The following MFN1 variants were observed in gnomAD, a reference collection of about 807,000 sequenced individuals.
MFN1 encodes the protein mitofusin-1.
In MFN1, 65 loss-of-function variants were observed where a neutral mutation model predicts 92.4. The ratio of observed to expected loss-of-function variants is 0.70; its 90% CI spans 0.58 to 0.86. The LOEUF (loss-of-function observed/expected upper bound fraction) is 0.86. Among genes scored for constraint, MFN1 ranks in the 40% least tolerant of loss-of-function variants. The probability of loss-of-function intolerance (pLI) is 0.00; values close to 1 mark genes in which losing one functional copy is unlikely to be tolerated. For missense variants in MFN1, 781 were observed against 868.0 expected, an observed-to-expected ratio of 0.90 and a Z score of 1.26; for synonymous variants, 297 against 300.9, an observed-to-expected ratio of 0.99 and a Z score of 0.13.
At chr3:179,353,554 A>T (rs545050705) in intron 3 of MFN1, among the ~76,000 whole-genome samples, 12 of 152,186 alleles carry the variant, frequency 7.9e-5, no homozygotes, top group Non-Finnish European at 1.8e-4. Flanking sequence ...TTTGACAATT[A>T]TCTGGATTAT....
At chr3:179,372,611 T>C (rs748026326) in intron 9 of MFN1, among the ~76,000 whole-genome samples, 9 of 152,182 alleles carry the variant, frequency 5.9e-5, no homozygotes, top group Non-Finnish European at 8.8e-5. Flanking sequence ...GGGATTACTT[T>C]TTAATTGATT....
intron 16 of MFN1, among the ~76,000 whole-genome samples, chr3:179,388,364 T>C (rs572379768): frequency 1.2e-4 from 19 of 152,370 alleles, no homozygotes; most frequent in Admixed American, 1.2e-3. Context: ...ATGTATACGT[T>C]AAATGCTATT....
intron 2 of MFN1, 38 bp downstream of exon 2, chr3:179,349,001 A>G (rs1427141301): frequency 1.3e-6 from 2 of 1,516,172 alleles, no homozygotes; most frequent in East Asian, 4.6e-5. Context: ...ATTACTGTTG[A>G]AAATATATAA....
At position 179,357,116 on chromosome 3, in the gene MFN1, G is replaced by T. The variant is rs546316164; in HGVS notation, c.249-1724G>T. ...TCCTCTGTGGGGGGTCTTCAAACTGGTTGCTGGATCTGGGGGCCCAAAAAA... is the reference window on the plus strand; with the variant it reads ...TCCTCTGTGGGGGGTCTTCAAACTGTTTGCTGGATCTGGGGGCCCAAAAAA... On this transcript the variant is annotated intron_variant, in intron 3 of 17. Coordinates refer to ENST00000471841, the MANE Select transcript of MFN1 (RefSeq NM_033540.3). Among the ~76,000 whole-genome samples the T allele has an allele frequency of 1.4e-3, 208 of 152,194 alleles. 1 individual carries two copies. The highest frequency in any genetic ancestry group is 4.8e-3 in the African/African-American group (200 of 41,522).
chr3:179,359,036 C>G, intron 4 of MFN1, 34 bp downstream of exon 4: 1 of 1,582,810 alleles, frequency 6.3e-7, no homozygotes, highest in East Asian at 2.2e-5. Flanking sequence ...AATAATATAC[C>G]TGAAACAATG....
chr3:179,381,539 TTA>T (rs1159310807), intron 14 of MFN1, among the ~76,000 whole-genome samples: 1 of 152,256 alleles, frequency 6.6e-6, no homozygotes, highest in Non-Finnish European at 1.5e-5. Context: ...ATGGTGTGTC[TTA>T]TATTTTTACT....
chr3:179,349,889 C>T (rs1295236939), intron 2 of MFN1, among the ~76,000 whole-genome samples: 1 of 152,080 alleles, frequency 6.6e-6, no homozygotes. Flanking sequence ...CCCTGACTCA[C>T]ACCTGTAATC....
chr3:179,380,525 T>C (rs1321459606), intron 14 of MFN1, among the ~76,000 whole-genome samples: 1 of 152,224 alleles, frequency 6.6e-6, no homozygotes, highest in East Asian at 1.9e-4. Context: ...TTATACCAGC[T>C]TGTGTGCACT....
At chr3:179,350,173 A>G (rs1712088206) in intron 2 of MFN1, among the ~76,000 whole-genome samples, 1 of 151,698 alleles carries the variant, frequency 6.6e-6, no homozygotes, top group Non-Finnish European at 1.5e-5. Flanking sequence ...AAGATTATGC[A>G]CCTCTCAACT....
In MFN1 at chr3:179,368,100, T is replaced by C; in HGVS notation, c.972T>C (p.Phe324=). The change falls in exon 9 of 18, where the codon TTT becomes TTC. Residue 324 remains phenylalanine, a synonymous_variant. Transcript: ENST00000471841. ...LQEFQNFEQI[F]EECISQSAVK... The stretch of plus-strand genomic sequence containing the variant: ...AATTTCAGAATTTTGAACAAATCTT[T>C]GAGGTAGGAATTTTGTGATTGTATT... 3 of 1,562,044 alleles carry C rather than the reference T, an allele frequency of 1.9e-6. No individual in the cohort carries two copies. The highest frequency in any genetic ancestry group is 2.6e-6 in the Non-Finnish European group (3 of 1,151,736).
intron 17 of MFN1, 50 bp downstream of exon 17, chr3:179,390,188 C>T: frequency 7.3e-7 from 1 of 1,373,626 alleles, no homozygotes; most frequent in Non-Finnish European, 9.7e-7. Context: ...GGTCTCATTA[C>T]AAAATATGTA....
intron 16 of MFN1, among the ~76,000 whole-genome samples, chr3:179,389,458 GTAAA>G (rs1713817858): frequency 6.6e-6 from 1 of 151,966 alleles, no homozygotes; most frequent in Non-Finnish European, 1.5e-5. Flanking sequence ...AATAAACTAA[GTAAA>G]TATTTAATAT....
At chr3:179,354,480 T>C (rs1712272723) in intron 3 of MFN1, among the ~76,000 whole-genome samples, 1 of 152,080 alleles carries the variant, frequency 6.6e-6, no homozygotes. Context: ...GGAGAATGAA[T>C]TGAATGAGAA....
At chr3:179,366,900 A>G (rs1712815086) in intron 7 of MFN1, among the ~76,000 whole-genome samples, 1 of 152,146 alleles carries the variant, frequency 6.6e-6, no homozygotes, top group Non-Finnish European at 1.5e-5. Flanking sequence ...TGCCTGGTTA[A>G]TGCATTCTAC....
In MFN1 at chr3:179,378,750, A is replaced by G. The variant is rs959961641; in HGVS notation, c.1598A>G (p.His533Arg). The change falls in exon 14 of 18, where the codon CAT becomes CGT. Residue 533 changes from histidine to arginine, a missense_variant. His to Arg is a conservative substitution (Grantham distance 29). Coordinates refer to ENST00000471841, the MANE Select transcript of MFN1 (RefSeq NM_033540.3). ...RFSLGWSSLVHRFLGPRNAQR... is the reference protein window; with the variant it reads ...RFSLGWSSLVRRFLGPRNAQR... ...TCCCTGGGCTGGTCTTCCCTTGTAC[A>G]TCGATTTTTGGGCCCTAGAAATGCT... 33 of 1,614,056 alleles carry G rather than the reference A, an allele frequency of 2.0e-5. No individual in the cohort carries two copies. The highest frequency in any genetic ancestry group is 2.5e-5 in the Non-Finnish European group (30 of 1,179,960).
At chr3:179,371,873 AG>A (rs1163572356) in intron 9 of MFN1, among the ~76,000 whole-genome samples, 1 of 151,892 alleles carries the variant, frequency 6.6e-6, no homozygotes, top group Admixed American at 6.6e-5. Context: ...TTTCTTTCTT[AG>A]AAGACAAGTA....
chr3:179,389,264 A>C (rs1473221227), intron 16 of MFN1, among the ~76,000 whole-genome samples: 2 of 152,182 alleles, frequency 1.3e-5, no homozygotes, highest in Non-Finnish European at 2.9e-5. Context: ...GAATCAGCTG[A>C]AATTCATATA....
chr3:179,353,286 G>A lies in MFN1; in HGVS notation c.248+1251G>A, dbSNP rs1216649483. Among the ~76,000 whole-genome samples, 5 of 144,776 alleles carry A rather than the reference G, an allele frequency of 3.5e-5. No homozygotes were observed. In the East Asian group the frequency reaches 6.1e-4, roughly 18 times the overall value. The allele number at this position is 144,776 out of a possible 152,430, so 95.0% of individuals were successfully genotyped here. A position where few individuals can be genotyped will look rare whatever the true frequency, so the allele number is the denominator to read the frequency against. The stretch of plus-strand genomic sequence containing the variant: ...TCACCATGTTGCCCAGGCTGGTCTC[G>A]AACTACTGAGCCCAGGCAATCCGCC... On this transcript the variant is annotated intron_variant, in intron 3 of 17. Coordinates refer to ENST00000471841, the MANE Select transcript of MFN1 (RefSeq NM_033540.3).
In MFN1 at chr3:179,375,231, G is replaced by T. The variant is rs769445078; in HGVS notation, c.987G>T (p.Ser329=). The T allele has an allele frequency of 3.7e-6, 6 of 1,612,644 alleles. No homozygotes were observed. Among genetic ancestry groups the T allele is most frequent in the Non-Finnish European group, 5.1e-6 (6 of 1,179,476 alleles). Residue 329 remains serine (S), a synonymous_variant, in exon 10 of 18, where the codon TCG becomes TCT. Transcript: ENST00000471841. ...TGGGCCCCTCGCAGGAGTGTATCTC[G>T]CAGTCAGCAGTGAAAACAAAGTTCG... ...NFEQIFEECI[S]QSAVKTKFEQ...
Sources: allele counts gnomAD v4.1 joint callset (sites outside exome capture counted in the v4.1 genomes callset), GRCh38; gene constraint gnomAD v4.1.1; transcripts MANE v1.5; gene names NCBI Gene and HGNC (gene_info 2026-07-23, HGNC 2026-07-21).